Variants in SLC36A1 observed in about 807,000 individuals in gnomAD.
The protein encoded by SLC36A1 is proton-coupled amino acid transporter 1.
A neutral mutation model predicts 47.5 loss-of-function variants in SLC36A1; 30 were observed. That is an observed-to-expected ratio of 0.63 (90% CI 0.47 to 0.86). The LOEUF is 0.86. SLC36A1 is among the 40% of genes least tolerant of loss of function. The pLI, the probability that SLC36A1 is intolerant of heterozygous loss-of-function variation, is 0.00. For synonymous variants in SLC36A1, 255 were observed against 249.7 expected (o/e 1.02, Z -0.20); for missense variants, 517 against 606.0 (o/e 0.85, Z 1.54).
chr5:151,554,526 C>G, the SLC36A1 span: 8 of 1,614,068 alleles, frequency 5.0e-6, no homozygotes, highest in African/African-American at 1.3e-5. Flanking sequence ...TACACAGGCC[C>G]AGGGGACACA....
chr5:151,394,296 C>T, the SLC36A1 span, among the ~76,000 whole-genome samples: 2 of 152,168 alleles, frequency 1.3e-5, no homozygotes, highest in Non-Finnish European at 2.9e-5. Context: ...TTCTAGTTAG[C>T]CATTTGTCTA....
chr5:151,361,442 T>C, the SLC36A1 span, among the ~76,000 whole-genome samples: 1 of 152,220 alleles, frequency 6.6e-6, no homozygotes, highest in South Asian at 2.1e-4. Flanking sequence ...AAGAAGAACA[T>C]TTTAGTGCCC....
chr5:151,415,915 G>A, the SLC36A1 span, among the ~76,000 whole-genome samples: 1 of 151,854 alleles, frequency 6.6e-6, no homozygotes, highest in Non-Finnish European at 1.5e-5. Flanking sequence ...AGACCAGCCT[G>A]GCTAACATGG....
the SLC36A1 span, among the ~76,000 whole-genome samples, chr5:151,538,379 C>G: frequency 6.6e-6 from 1 of 152,196 alleles, no homozygotes; most frequent in African/African-American, 2.4e-5. Flanking sequence ...TCCCCTGCCT[C>G]TGTGGCGAGG....
the SLC36A1 span, chr5:151,544,076 C>T: frequency 6.2e-7 from 1 of 1,614,170 alleles, no homozygotes; most frequent in East Asian, 2.2e-5. Flanking sequence ...TTATCCATGG[C>T]CCTGACTTTC....
chr5:151,480,190 G>A, intron 10 of SLC36A1: 1 of 638,912 alleles, frequency 1.6e-6, no homozygotes, highest in Non-Finnish European at 2.4e-6. Flanking sequence ...CAAATCGGTT[G>A]ATAATAGCTA....
the SLC36A1 span, among the ~76,000 whole-genome samples, chr5:151,506,816 T>A: frequency 6.6e-6 from 1 of 152,216 alleles, no homozygotes; most frequent in Non-Finnish European, 1.5e-5. Context: ...CTTAGACCAC[T>A]TCTCCTTTCC....
the SLC36A1 span, among the ~76,000 whole-genome samples, chr5:151,361,785 ATCT>A: frequency 1.3e-5 from 2 of 152,184 alleles, no homozygotes; most frequent in East Asian, 1.9e-4. Flanking sequence ...AAATTCTATC[ATCT>A]TCTGTTTATC....
chr5:151,512,997 A>T, the SLC36A1 span, among the ~76,000 whole-genome samples: 4 of 152,198 alleles, frequency 2.6e-5, no homozygotes. This position sits in a 1 kb window ranked among gnomAD's most constrained non-coding sequence, Gnocchi z 4.1. Flanking sequence ...TCCTTATTCA[A>T]CAGCTTAGCA....
chr5:151,493,637 G>A (rs6579878), downstream of SLC36A1, among the ~76,000 whole-genome samples: 10,243 of 152,186 alleles, frequency 0.067, 397 homozygotes, highest in African/African-American at 0.11. Flanking sequence ...GACTATTTTC[G>A]TTGTCATTAT....
chr5:151,553,346 A>G, the SLC36A1 span: 1 of 1,614,260 alleles, frequency 6.2e-7, no homozygotes, highest in Non-Finnish European at 8.5e-7. Context: ...GTAGCCGGAC[A>G]CTGGCTGAGA....
At chr5:151,531,549 T>C in the SLC36A1 span, 3 of 1,609,318 alleles carry the variant, frequency 1.9e-6, no homozygotes, top group African/African-American at 4.0e-5. This position sits in a 1 kb window ranked among gnomAD's most constrained non-coding sequence, Gnocchi z 5.7. Flanking sequence ...AGAAACCCTG[T>C]ACGCGATGCT....
the SLC36A1 span, among the ~76,000 whole-genome samples, chr5:151,503,867 A>G: frequency 6.6e-6 from 1 of 152,074 alleles, no homozygotes; most frequent in Admixed American, 6.5e-5. Context: ...ACCACTGCAG[A>G]CAGTTGTATC....
the SLC36A1 span, chr5:151,366,614 G>T: frequency 5.8e-6 from 1 of 171,662 alleles, no homozygotes; most frequent in South Asian, 1.3e-4. Context: ...AAGCTCATCT[G>T]GGTAAGGACC....
chr5:151,448,340 C>T lies in SLC36A1; in HGVS notation c.-6+527C>T, dbSNP rs59868725. Among the ~76,000 whole-genome samples the T allele has an allele frequency of 8.5e-3, 1,294 of 152,348 alleles. 21 individuals are homozygous for T. Among genetic ancestry groups the T allele is most frequent in the African/African-American group, 0.03 (1,242 of 41,580 alleles). Reference sequence around the variant, plus strand: ...TGTTTGCTTTTCGCCACACCGCCTCCTGCGGGAAACTTCACCTGTGAAAAG... The same window carrying T: ...TGTTTGCTTTTCGCCACACCGCCTCTTGCGGGAAACTTCACCTGTGAAAAG... On this transcript the variant is annotated intron_variant, in intron 1 of 10. Transcript: ENST00000243389.
At chr5:151,524,098 C>G in the SLC36A1 span, among the ~76,000 whole-genome samples, 2 of 152,248 alleles carry the variant, frequency 1.3e-5, no homozygotes, top group East Asian at 3.9e-4. Flanking sequence ...ACTGGTCTCC[C>G]TCACCCACTC....
the SLC36A1 span, chr5:151,540,628 G>C: frequency 6.2e-7 from 1 of 1,614,184 alleles, no homozygotes; most frequent in Non-Finnish European, 8.5e-7. Context: ...AGTGACCGAA[G>C]CCTGGAACTT....
At chr5:151,392,302 T>G in the SLC36A1 span, among the ~76,000 whole-genome samples, 1 of 152,198 alleles carries the variant, frequency 6.6e-6, no homozygotes, top group Non-Finnish European at 1.5e-5. Context: ...TTCATCTTTA[T>G]TAGTCTTGCT....
At chr5:151,533,460 G>T in the SLC36A1 span, among the ~76,000 whole-genome samples, 1 of 147,136 alleles carries the variant, frequency 6.8e-6, no homozygotes, top group South Asian at 2.2e-4. Flanking sequence ...CAGCCACCCT[G>T]CCTTTGTGTT....
Sources: allele counts gnomAD v4.1 joint callset (sites outside exome capture counted in the v4.1 genomes callset), GRCh38; gene constraint gnomAD v4.1.1; non-coding constraint Gnocchi (gnomAD v3.1); transcripts MANE v1.5; gene names NCBI Gene and HGNC (gene_info 2026-07-23, HGNC 2026-07-21).